ATXN7L1: variants seen among roughly 807,000 people sequenced by gnomAD.
The protein encoded by ATXN7L1 is ataxin 7 like 1, also known as ataxin-7-like protein 1.
ATXN7L1 carries 15 observed loss-of-function variants against 70.8 expected under a neutral mutation model. The ratio of observed to expected loss-of-function variants is 0.21; its 90% CI spans 0.14 to 0.33. The LOEUF is 0.33. Ranked by LOEUF, ATXN7L1 falls within the 10% of genes least tolerant of loss-of-function variation. ATXN7L1 has a pLI of 1.00. For synonymous variants in ATXN7L1, 440 were observed against 445.1 expected (o/e 0.99, Z 0.14); for missense variants, 975 against 1,097.1 (o/e 0.89, Z 1.57).
chr7:105,811,333 C>G (rs1808398323), intron 2 of ATXN7L1, among the ~76,000 whole-genome samples: 1 of 152,194 alleles, frequency 6.6e-6, no homozygotes, highest in Non-Finnish European at 1.5e-5. Context: ...ACACCGGAAG[C>G]ATGCAACAGA....
intron 2 of ATXN7L1, among the ~76,000 whole-genome samples, chr7:105,833,212 G>C (rs1563129680): frequency 6.6e-6 from 1 of 152,048 alleles, no homozygotes; most frequent in Non-Finnish European, 1.5e-5. Flanking sequence ...AGACTCTCCT[G>C]ACCCTCACTG....
At chr7:105,740,430 A>C (rs941655697) in intron 3 of ATXN7L1, among the ~76,000 whole-genome samples, 1 of 152,190 alleles carries the variant, frequency 6.6e-6, no homozygotes, top group Non-Finnish European at 1.5e-5. Context: ...TCCACAAAGC[A>C]TTTACAGCAG....
At chr7:105,635,208 C>A (rs1357270087) in intron 7 of ATXN7L1, among the ~76,000 whole-genome samples, 1 of 152,246 alleles carries the variant, frequency 6.6e-6, no homozygotes, top group Non-Finnish European at 1.5e-5. Context: ...GATCCCAGCC[C>A]TCTTTGCCCT....
rs752567780 is a variant in ATXN7L1 at position 105,788,634 on chromosome 7, C to G, written c.325G>C (p.Val109Leu). Residue 109 changes from valine to leucine, a missense_variant, in exon 3 of 12, where the codon GTC becomes CTC. This residue lies in a region of ATXN7L1 where 7 missense variants were observed against 24.9 expected (regional missense o/e 0.28). Transcript: ENST00000419735. ...TGCGACTGGAAAACCTGTGGCTTGA[C>G]GACCTGGTTACAGGCACTGCACACT... ...LVVCSACNQV[V>L]KPQVFQSHCE... The G allele has an allele frequency of 2.5e-6, 4 of 1,613,774 alleles. No individual in the cohort carries two copies. In the South Asian group the frequency reaches 3.3e-5, roughly 13 times the overall value.
At chr7:105,649,278 G>A in intron 4 of ATXN7L1, 1 of 806,166 alleles carries the variant, frequency 1.2e-6, no homozygotes, top group Non-Finnish European at 1.5e-6. Flanking sequence ...CTGTTCCCCT[G>A]CTGTGTCTAA....
rs147946546 is a variant in ATXN7L1 at position 105,655,388 on chromosome 7, G to A, written c.578+9678C>T. On this transcript the variant is annotated intron_variant, in intron 4 of 11. Coordinates refer to ENST00000419735, the MANE Select transcript of ATXN7L1 (RefSeq NM_020725.2). ...AAACTTCTACTCTGTAGGCAAACAA[G>A]TGGGAGCCATCAAAGAGTTGTGGGC... Among the ~76,000 whole-genome samples the A allele has an allele frequency of 3.0e-4, 46 of 152,310 alleles. No individual in the cohort carries two copies. The East Asian group carries it at 6.9e-3, about 23-fold the overall frequency.
intron 3 of ATXN7L1, chr7:105,679,076 G>C: frequency 1.0e-6 from 1 of 985,952 alleles, no homozygotes; most frequent in East Asian, 1.1e-4. Context: ...CTGCCTTGCC[G>C]TTTGGATAAG....
Position 105,678,790 on chromosome 7 carries a change from C to T in ATXN7L1, c.356-13502G>A, listed in dbSNP as rs562413397. Among the ~76,000 whole-genome samples the T allele has an allele frequency of 3.6e-4, 55 of 152,302 alleles. 1 individual carries two copies. In the South Asian group the frequency reaches 6.8e-3, roughly 19 times the overall value. ...CCGGAGGCTGGTGCCTCCAGAAGGG[C>T]TGTCCAAAATAGACTGGTCCCCAAC... On this transcript the variant is annotated intron_variant, in intron 3 of 11. Coordinates refer to ENST00000419735, the MANE Select transcript of ATXN7L1 (RefSeq NM_020725.2).
intron 2 of ATXN7L1, among the ~76,000 whole-genome samples, chr7:105,818,802 C>T (rs1214921298): frequency 2.0e-5 from 3 of 152,070 alleles, no homozygotes; most frequent in Non-Finnish European, 2.9e-5. Context: ...GGTACCAGAA[C>T]CACTCAGGAC....
rs537789847 is a variant in ATXN7L1 at position 105,790,804 on chromosome 7, G to A, written c.251-2096C>T. 4.7e-4 allele frequency among the ~76,000 whole-genome samples: 71 copies of A among 152,036 alleles called. 1 individual carries two copies. Among genetic ancestry groups the A allele is most frequent in the African/African-American group, 1.5e-3 (64 of 41,438 alleles). On this transcript the variant is annotated intron_variant, in intron 2 of 11. Transcript: ENST00000419735. Reference sequence around the variant, plus strand: ...AGACAGGGCTCTGGCAGGCACCTCCGCACTGCCTCCTTTTAGCTGACTGGC... The same window carrying A: ...AGACAGGGCTCTGGCAGGCACCTCCACACTGCCTCCTTTTAGCTGACTGGC...
At chr7:105,626,947 C>T (rs184074974) in intron 7 of ATXN7L1, among the ~76,000 whole-genome samples, 18 of 152,254 alleles carry the variant, frequency 1.2e-4, no homozygotes, top group African/African-American at 3.6e-4. Flanking sequence ...TTGAGAGATG[C>T]TTTTTAAAAA....
At chr7:105,872,323 G>A (rs529127143) in intron 2 of ATXN7L1, among the ~76,000 whole-genome samples, 117 of 152,162 alleles carry the variant, frequency 7.7e-4, no homozygotes, top group African/African-American at 2.6e-3. Flanking sequence ...CACATTTCCA[G>A]CCTAACTTCT....
intron 3 of ATXN7L1, among the ~76,000 whole-genome samples, chr7:105,764,578 G>T (rs56292485): frequency 0.071 from 10,852 of 152,242 alleles, 599 homozygotes; most frequent in East Asian, 0.22. Flanking sequence ...TCAGTCATAA[G>T]CTATTGACTG....
intron 7 of ATXN7L1, among the ~76,000 whole-genome samples, chr7:105,625,776 G>A (rs973119328): frequency 6.6e-6 from 1 of 152,082 alleles, no homozygotes; most frequent in Admixed American, 6.5e-5. Context: ...AACAACACAA[G>A]GCAAAACCAA....
chr7:105,627,207 A>T (rs564935158), intron 7 of ATXN7L1, among the ~76,000 whole-genome samples: 86 of 152,260 alleles, frequency 5.6e-4, no homozygotes, highest in African/African-American at 9.9e-4. Context: ...CATCATGGTT[A>T]TATAGAAAAT....
intron 3 of ATXN7L1, among the ~76,000 whole-genome samples, chr7:105,736,984 T>C (rs1196789222): frequency 6.6e-6 from 1 of 152,256 alleles, no homozygotes; most frequent in Middle Eastern, 3.2e-3. Context: ...TCTTATGCTA[T>C]GGTCTGAAAT....
At chr7:105,706,563 C>T (rs557089264) in intron 3 of ATXN7L1, among the ~76,000 whole-genome samples, 14 of 151,556 alleles carry the variant, frequency 9.2e-5, no homozygotes, top group African/African-American at 3.4e-4. Flanking sequence ...CCACCACCAC[C>T]AAAAAAAACA....
intron 3 of ATXN7L1, among the ~76,000 whole-genome samples, chr7:105,771,649 T>C (rs1457590413): frequency 6.6e-6 from 1 of 152,214 alleles, no homozygotes; most frequent in Non-Finnish European, 1.5e-5. Flanking sequence ...TGAGAAGCAT[T>C]GCCAGTGTTT....
intron 3 of ATXN7L1, among the ~76,000 whole-genome samples, chr7:105,687,465 C>T (rs960363698): frequency 5.3e-5 from 8 of 152,106 alleles, no homozygotes; most frequent in African/African-American, 7.2e-5. Flanking sequence ...AAGGAAGGGA[C>T]GACAATGGCA....
Sources: allele counts gnomAD v4.1 joint callset (sites outside exome capture counted in the v4.1 genomes callset), GRCh38; gene constraint gnomAD v4.1.1; regional missense constraint gnomAD v4.1.1; transcripts MANE v1.5; gene names NCBI Gene and HGNC (gene_info 2026-07-23, HGNC 2026-07-21).